RALY: variants seen among roughly 807,000 people sequenced by gnomAD.
The protein encoded by RALY is RALY heterogeneous nuclear ribonucleoprotein, also known as RNA-binding protein Raly.
Under a neutral mutation model 30.7 loss-of-function variants are expected in RALY, and 15 were observed. The observed-to-expected ratio is 0.49, with a 90% CI of 0.33 to 0.75. The LOEUF is 0.75. Ranked by LOEUF, RALY falls within the 30% of genes least tolerant of loss-of-function variation. The probability of loss-of-function intolerance (pLI) is 0.02; values close to 1 mark genes in which losing one functional copy is unlikely to be tolerated. For missense variants in RALY, 339 were observed against 414.3 expected (o/e 0.82, Z 1.58); for synonymous variants, 177 against 170.8 (o/e 1.04, Z -0.28).
intron 1 of RALY, among the ~76,000 whole-genome samples, chr20:33,999,837 T>C (rs893535289): frequency 1.3e-5 from 2 of 151,744 alleles, no homozygotes; most frequent in African/African-American, 4.8e-5. Flanking sequence ...CACTGTGTGC[T>C]CCAGTCTTTT....
At chr20:34,056,088 T>A (rs1452472162) in intron 2 of RALY, among the ~76,000 whole-genome samples, 1 of 150,684 alleles carries the variant, frequency 6.6e-6, no homozygotes, top group Non-Finnish European at 1.5e-5. Flanking sequence ...TGGCTCACTC[T>A]TCAGTGTCCA....
At chr20:34,060,043 A>ACTCTTGTCTTTC (rs1203957403) in intron 2 of RALY, among the ~76,000 whole-genome samples, 1 of 152,054 alleles carries the variant, frequency 6.6e-6, no homozygotes, top group African/African-American at 2.4e-5. Flanking sequence ...ATAAGTACCT[A>ACTCTTGTCTTTC]CTCTTGTCTT....
At chr20:34,062,354 C>T (rs1467495001) in intron 2 of RALY, among the ~76,000 whole-genome samples, 1 of 152,228 alleles carries the variant, frequency 6.6e-6, no homozygotes, top group African/African-American at 2.4e-5. Flanking sequence ...ACAGCATGAC[C>T]TTATTTCCTT....
chr20:34,018,032 A>G (rs2031673700), intron 1 of RALY, among the ~76,000 whole-genome samples: 1 of 152,234 alleles, frequency 6.6e-6, no homozygotes, highest in South Asian at 2.1e-4. Flanking sequence ...ATGAAGGGTA[A>G]GAGTTAAGCC....
intron 2 of RALY, among the ~76,000 whole-genome samples, chr20:34,067,012 C>A (rs79027916): frequency 0.076 from 11,629 of 152,214 alleles, 609 homozygotes; most frequent in Non-Finnish European, 0.12. Context: ...CATGTGCAAT[C>A]TTGCCCCTGC....
At chr20:34,006,053 A>T (rs1480638209) in intron 1 of RALY, among the ~76,000 whole-genome samples, 1 of 152,230 alleles carries the variant, frequency 6.6e-6, no homozygotes, top group African/African-American at 2.4e-5. Flanking sequence ...CTATAAACAA[A>T]CAAAAGAAAG....
At chr20:34,078,435 A>G in intron 8 of RALY, 70 bp from the exon 9 acceptor site, 1 of 1,402,494 alleles carries the variant, frequency 7.1e-7, no homozygotes, top group Non-Finnish European at 9.5e-7. Flanking sequence ...TTTTCTGGAC[A>G]AATGGCTCAG....
chr20:34,077,489 G>A lies in RALY; in HGVS notation c.876+244G>A, dbSNP rs1601517578. The A allele has an allele frequency of 5.3e-6, 4 of 750,898 alleles. No individual in the cohort carries two copies. In the East Asian group the frequency reaches 1.1e-4, roughly 22 times the overall value. The allele number at this position is 750,898 out of a possible 1,614,324, so 46.5% of individuals were successfully genotyped here. A position where few individuals can be genotyped will look rare whatever the true frequency, so the allele number is the denominator to read the frequency against. Reference sequence around the variant, plus strand: ...CTCCCCCAAATGCGGGCACATTCTGGCCTCCGGTTTCCACATGAGTTGGAG... The same window carrying A: ...CTCCCCCAAATGCGGGCACATTCTGACCTCCGGTTTCCACATGAGTTGGAG... On this transcript the variant is annotated intron_variant, in intron 8 of 9. Coordinates refer to ENST00000246194, the MANE Select transcript of RALY (RefSeq NM_016732.3).
chr20:34,035,429 T>G (rs2032458792), intron 2 of RALY, among the ~76,000 whole-genome samples: 1 of 152,200 alleles, frequency 6.6e-6, no homozygotes, highest in African/African-American at 2.4e-5. Flanking sequence ...GATATTCTTA[T>G]TTTATAAATT....
intron 5 of RALY, among the ~76,000 whole-genome samples, chr20:34,074,538 C>T (rs537602493): frequency 1.1e-4 from 16 of 152,308 alleles, no homozygotes; most frequent in African/African-American, 2.6e-4. Context: ...GAGCATGAGT[C>T]GTCCGCCCCC....
chr20:34,075,805 G>A (rs1390121086), intron 5 of RALY, 69 bp from the exon 6 acceptor site: 1 of 1,506,564 alleles, frequency 6.6e-7, no homozygotes, highest in African/African-American at 1.4e-5. Context: ...CACGTTTGTA[G>A]CCGGAGCTGC....
intron 5 of RALY, among the ~76,000 whole-genome samples, chr20:34,075,203 G>A (rs1381065396): frequency 6.6e-6 from 1 of 152,100 alleles, no homozygotes; most frequent in East Asian, 1.9e-4. Flanking sequence ...AATGGAGCAC[G>A]AAGGATGTGG....
In RALY at chr20:34,081,609, G is replaced by C. The variant is rs1389845413; in HGVS notation, c.*1704G>C. 1.3e-5 allele frequency: 2 copies of C among 152,218 alleles called. No individual in the cohort carries two copies. The highest frequency in any genetic ancestry group is 4.8e-5 in the African/African-American group (2 of 41,440). 9.4% of individuals were successfully genotyped at this position (152,218 alleles called of 1,614,324 possible). A position where few individuals can be genotyped will look rare whatever the true frequency, so the allele number is the denominator to read the frequency against. On this transcript the variant is annotated 3_prime_UTR_variant, in exon 10 of 10. Coordinates refer to ENST00000246194, the MANE Select transcript of RALY (RefSeq NM_016732.3). ...ACAGCCTCCAGGGAAGCTTCCTCCT[G>C]GGCTTTGGCTCCATGTTTTGGTAGA... is the stretch of plus-strand genomic sequence containing the variant.
intron 1 of RALY, among the ~76,000 whole-genome samples, chr20:33,998,097 A>G (rs897326481): frequency 2.0e-5 from 3 of 152,170 alleles, no homozygotes; most frequent in African/African-American, 7.2e-5. Context: ...TCATTTTTGG[A>G]AAGTTTTTCA....
intron 2 of RALY, among the ~76,000 whole-genome samples, chr20:34,050,245 A>G (rs1418139505): frequency 6.6e-6 from 1 of 152,130 alleles, no homozygotes; most frequent in Non-Finnish European, 1.5e-5. Flanking sequence ...CTGACACCAA[A>G]CAGGTGCTCT....
At chr20:34,074,001 C>A in intron 5 of RALY, 135 bp downstream of exon 5, 1 of 939,580 alleles carries the variant, frequency 1.1e-6, no homozygotes, top group South Asian at 1.6e-5. Flanking sequence ...CTCCACCAGT[C>A]GGTAGCAGAG....
chr20:34,049,474 T>TC (rs1234295833), intron 2 of RALY, among the ~76,000 whole-genome samples: 4 of 152,182 alleles, frequency 2.6e-5, no homozygotes, highest in Non-Finnish European at 4.4e-5. Context: ...TAAGAACCCC[T>TC]GTAGTAAAGG....
intron 1 of RALY, among the ~76,000 whole-genome samples, chr20:34,025,309 C>CT (rs1427054417): frequency 1.8e-3 from 33 of 18,730 alleles, no homozygotes; most frequent in Non-Finnish European, 2.5e-3. Context: ...CTCTCTCTCT[C>CT]TTTTTTTTTT....
At chr20:34,038,941 C>T (rs189817134) in intron 2 of RALY, among the ~76,000 whole-genome samples, 146 of 152,246 alleles carry the variant, frequency 9.6e-4, no homozygotes, top group African/African-American at 3.3e-3. Flanking sequence ...TGTGGCGATC[C>T]AGGCTCTTAA....
Sources: allele counts gnomAD v4.1 joint callset (sites outside exome capture counted in the v4.1 genomes callset), GRCh38; gene constraint gnomAD v4.1.1; transcripts MANE v1.5; gene names NCBI Gene and HGNC (gene_info 2026-07-23, HGNC 2026-07-21).